The following FBXO4 variants were observed in gnomAD, a reference collection of about 807,000 sequenced individuals.
FBXO4 encodes F-box protein 4.
In FBXO4, 36 loss-of-function variants were observed where a neutral mutation model predicts 43.7. That is an observed-to-expected ratio of 0.82 (90% CI 0.63 to 1.09). The LOEUF is 1.09. Ranked by LOEUF, FBXO4 falls within the 50% of genes least tolerant of loss-of-function variation. The pLI, the probability that FBXO4 is intolerant of heterozygous loss-of-function variation, is 0.00. For synonymous variants in FBXO4, 180 were observed against 165.6 expected, an observed-to-expected ratio of 1.09 and a Z score of -0.67; for missense variants, 435 against 474.1, an observed-to-expected ratio of 0.92 and a Z score of 0.77.
intron 1 of FBXO4, among the ~76,000 whole-genome samples, chr5:41,926,075 C>T (rs2112564815): frequency 6.6e-6 from 1 of 152,224 alleles, no homozygotes; most frequent in Admixed American, 6.5e-5. Context: ...ACACACATAA[C>T]TTATTGTTAA....
At chr5:41,967,458 T>C in the FBXO4 span, 3 of 601,810 alleles carry the variant, frequency 5.0e-6, no homozygotes, top group South Asian at 4.4e-5. Context: ...TCTGCAAGAA[T>C]TGTATGTTTC....
chr5:41,955,723 T>C, the FBXO4 span, among the ~76,000 whole-genome samples: 4 of 152,128 alleles, frequency 2.6e-5, no homozygotes, highest in African/African-American at 9.7e-5. Flanking sequence ...CTCCCTTGCA[T>C]TTTCAGCTGA....
the FBXO4 span, among the ~76,000 whole-genome samples, chr5:42,032,848 C>CA: frequency 6.6e-6 from 1 of 152,160 alleles, no homozygotes; most frequent in Admixed American, 6.6e-5. Flanking sequence ...TGAGTCTCAC[C>CA]TGAAGACAGC....
At chr5:42,033,178 G>A in the FBXO4 span, among the ~76,000 whole-genome samples, 67 of 152,234 alleles carry the variant, frequency 4.4e-4, no homozygotes, top group African/African-American at 1.6e-3. Context: ...GTGCAGCCTG[G>A]GGTTGGGGGA....
In FBXO4 at chr5:41,941,187, C is replaced by T. The variant is rs766510175; in HGVS notation, c.1075-5C>T. On this transcript the variant is annotated splice_region_variant and splice_polypyrimidine_tract_variant and intron_variant, in intron 6 of 6. Transcript: ENST00000281623. The stretch of plus-strand genomic sequence containing the variant: ...CTAACAACATTCTCTCTTATGTATT[C>T]CGAGGTCCAGGATACAGAGGCTGAA... 1.2e-6 allele frequency: 2 copies of T among 1,612,284 alleles called. No homozygotes were observed. The highest frequency in any genetic ancestry group is 2.2e-5 in the South Asian group (2 of 90,984).
chr5:41,972,245 A>G, the FBXO4 span, among the ~76,000 whole-genome samples: 1 of 152,154 alleles, frequency 6.6e-6, no homozygotes, highest in Non-Finnish European at 1.5e-5. Context: ...AACATCAGTA[A>G]TGTTTCAGGG....
At chr5:42,020,383 AT>A in the FBXO4 span, among the ~76,000 whole-genome samples, 1 of 152,184 alleles carries the variant, frequency 6.6e-6, no homozygotes, top group African/African-American at 2.4e-5. Flanking sequence ...AACTAGTAAA[AT>A]TAGAAAACAA....
At chr5:41,932,095 G>T (rs755853490) in intron 3 of FBXO4, among the ~76,000 whole-genome samples, 26 of 152,170 alleles carry the variant, frequency 1.7e-4, no homozygotes, top group Non-Finnish European at 3.5e-4. Context: ...CTCAAGAAGA[G>T]GTTGAGGAAA....
At chr5:41,971,375 T>C in the FBXO4 span, among the ~76,000 whole-genome samples, 1 of 152,018 alleles carries the variant, frequency 6.6e-6, no homozygotes, top group Admixed American at 6.6e-5. Context: ...AACTATACTT[T>C]TTAAAAGTAC....
At chr5:41,929,179 A>G (rs757891523) in intron 2 of FBXO4, among the ~76,000 whole-genome samples, 8 of 152,196 alleles carry the variant, frequency 5.3e-5, no homozygotes, top group African/African-American at 9.7e-5. Context: ...GAGTTTCTCA[A>G]TCTTGGCACT....
chr5:41,992,781 G>C, the FBXO4 span, among the ~76,000 whole-genome samples: 7 of 152,196 alleles, frequency 4.6e-5, no homozygotes, highest in African/African-American at 1.4e-4. Flanking sequence ...TCAAATAAGT[G>C]ATTTCTAGAA....
chr5:41,965,218 G>C, the FBXO4 span, among the ~76,000 whole-genome samples: 1 of 152,072 alleles, frequency 6.6e-6, no homozygotes, highest in Non-Finnish European at 1.5e-5. Context: ...ATTTCTGAGG[G>C]CTCTGTTCTG....
the FBXO4 span, among the ~76,000 whole-genome samples, chr5:41,999,673 G>A: frequency 6.7e-6 from 1 of 150,346 alleles, no homozygotes; most frequent in Non-Finnish European, 1.5e-5. Flanking sequence ...TTCCAAAACT[G>A]AAGAACTCAG....
At chr5:41,985,640 C>A in the FBXO4 span, among the ~76,000 whole-genome samples, 1 of 152,014 alleles carries the variant, frequency 6.6e-6, no homozygotes, top group Non-Finnish European at 1.5e-5. Context: ...AGTCAGCCTG[C>A]GTTATAATTT....
the FBXO4 span, among the ~76,000 whole-genome samples, chr5:41,989,305 A>G: frequency 4.9e-4 from 75 of 152,190 alleles, no homozygotes; most frequent in African/African-American, 1.7e-3. Flanking sequence ...GTAAGTAAAC[A>G]TATATATATA....
chr5:41,982,644 A>C, the FBXO4 span, among the ~76,000 whole-genome samples: 4 of 152,086 alleles, frequency 2.6e-5, no homozygotes, highest in African/African-American at 9.7e-5. Flanking sequence ...GTTGATGCCA[A>C]ATAGTCTAAT....
chr5:41,932,125 T>C (rs905559521), intron 3 of FBXO4, among the ~76,000 whole-genome samples: 1 of 152,218 alleles, frequency 6.6e-6, no homozygotes, highest in African/African-American at 2.4e-5. Context: ...TTGATGGTTA[T>C]AAAATGTCAA....
chr5:41,956,847 G>T, the FBXO4 span, among the ~76,000 whole-genome samples: 1 of 151,456 alleles, frequency 6.6e-6, no homozygotes, highest in East Asian at 1.9e-4. Context: ...CAAGTAGCTG[G>T]GATTACAGGC....
chr5:42,035,152 A>T, the FBXO4 span, among the ~76,000 whole-genome samples: 4 of 151,726 alleles, frequency 2.6e-5, no homozygotes, highest in Non-Finnish European at 4.4e-5. Context: ...AATGCTTGTG[A>T]TTTTTGCACA....
Sources: gnomAD v4.1 joint callset for allele counts (sites outside exome capture counted in the v4.1 genomes callset) on GRCh38, gnomAD v4.1.1 for gene constraint, MANE v1.5 for transcripts, NCBI Gene and HGNC (gene_info 2026-07-23, HGNC 2026-07-21) for gene names.